The following RFC3 variants were observed in gnomAD, a reference collection of about 807,000 sequenced individuals.
RFC3 encodes the protein A1 38 kDa subunit.
A neutral mutation model predicts 45.1 loss-of-function variants in RFC3; 41 were observed. The ratio of observed to expected loss-of-function variants is 0.91; its 90% confidence interval spans 0.71 to 1.18. RFC3 has a LOEUF of 1.18. Ranked by LOEUF, RFC3 falls within the 50% of genes most tolerant of loss-of-function variation. RFC3 has a pLI of 0.00. For synonymous variants in RFC3, 149 were observed against 144.0 expected, an observed-to-expected ratio of 1.03 and a Z score of -0.25; for missense variants, 423 against 428.1, an observed-to-expected ratio of 0.99 and a Z score of 0.10.
chr13:33,853,655 C>G (rs1446833648), intron 8 of RFC3, among the ~76,000 whole-genome samples: 3 of 152,074 alleles, frequency 2.0e-5, no homozygotes, highest in Non-Finnish European at 4.4e-5. Flanking sequence ...TGGAGTTAGA[C>G]CAACATACAA....
chr13:33,956,644 T>A (rs1283688371), intron 8 of RFC3, among the ~76,000 whole-genome samples: 2 of 152,152 alleles, frequency 1.3e-5, no homozygotes, highest in Admixed American at 1.3e-4. Flanking sequence ...CAAGAACACA[T>A]AAAGAAGAGT....
intron 8 of RFC3, among the ~76,000 whole-genome samples, chr13:33,900,347 C>T (rs1422312157): frequency 6.6e-6 from 1 of 151,816 alleles, no homozygotes; most frequent in East Asian, 1.9e-4. Context: ...ACCAATGGAA[C>T]AGAGTAGAGA....
In RFC3 at chr13:33,846,008, A is replaced by T. The variant is rs551072088; in HGVS notation, c.879+10791A>T. Among the ~76,000 whole-genome samples the T allele has an allele frequency of 2.6e-5, 4 of 152,188 alleles. No homozygotes were observed. In the East Asian group the frequency reaches 7.7e-4, roughly 29 times the overall value. On this transcript the variant is annotated intron_variant, in intron 8 of 8. Transcript: ENST00000434425. ...TAGGGGGCACCCCAGTAATGCTGTG[A>T]CTCTTTCAGGCTCATAGAGATATTG... is the stretch of plus-strand genomic sequence containing the variant.
intron 8 of RFC3, among the ~76,000 whole-genome samples, chr13:33,886,067 C>G (rs909618607): frequency 4.6e-5 from 7 of 151,908 alleles, no homozygotes; most frequent in Admixed American, 1.3e-4. Flanking sequence ...TTCTCAACTG[C>G]CTGACTCTCT....
At chr13:33,818,860 A>G (rs1184260970) in intron 1 of RFC3, among the ~76,000 whole-genome samples, 4 of 139,794 alleles carry the variant, frequency 2.9e-5, no homozygotes, top group Admixed American at 1.4e-4. Context: ...AATAAATTGT[A>G]TTAGGACGTT....
intron 8 of RFC3, among the ~76,000 whole-genome samples, chr13:33,917,855 T>TA (rs200649997): frequency 2.9e-3 from 433 of 151,258 alleles, no homozygotes; most frequent in African/African-American, 9.2e-3. Flanking sequence ...GAATTTTGTT[T>TA]AAAAAAAAAC....
At chr13:33,907,099 C>T (rs1429095411) in intron 8 of RFC3, among the ~76,000 whole-genome samples, 2 of 152,068 alleles carry the variant, frequency 1.3e-5, no homozygotes, top group Non-Finnish European at 2.9e-5. Context: ...GCTGGGATTA[C>T]GTACATGAGC....
intron 8 of RFC3, among the ~76,000 whole-genome samples, chr13:33,939,553 C>A (rs1252729865): frequency 6.6e-6 from 1 of 152,120 alleles, no homozygotes; most frequent in Non-Finnish European, 1.5e-5. Context: ...TATAATAAAC[C>A]AGTAAATGTA....
intron 8 of RFC3, among the ~76,000 whole-genome samples, chr13:33,925,092 G>C (rs926427110): frequency 6.8e-6 from 1 of 147,900 alleles, no homozygotes; most frequent in Non-Finnish European, 1.5e-5. Context: ...CGCATATATA[G>C]TGTACTATAT....
At chr13:33,963,634 A>G (rs2083070841) in intron 8 of RFC3, among the ~76,000 whole-genome samples, 1 of 152,200 alleles carries the variant, frequency 6.6e-6, no homozygotes, top group Non-Finnish European at 1.5e-5. Flanking sequence ...TTACTTAGGG[A>G]CATTTTAATT....
intron 8 of RFC3, among the ~76,000 whole-genome samples, chr13:33,859,265 G>C (rs1035120750): frequency 6.6e-6 from 1 of 152,088 alleles, no homozygotes; most frequent in Non-Finnish European, 1.5e-5. Context: ...ACATCTAAAG[G>C]CCTAAAAGAG....
intron 8 of RFC3, among the ~76,000 whole-genome samples, chr13:33,855,892 C>T (rs1359885932): frequency 3.9e-5 from 6 of 152,106 alleles, no homozygotes; most frequent in Admixed American, 2.6e-4. Context: ...GCATAGTTTG[C>T]AAAAACGTTC....
At position 33,837,167 on chromosome 13, in the gene RFC3, A is replaced by G. The variant is rs1005983889; in HGVS notation, c.*872A>G. ...TTTTGACCAGTGAAACTATGATCCCAATCAAGGTATAGATGCCGTCACCCC... is the reference window on the plus strand; with the variant it reads ...TTTTGACCAGTGAAACTATGATCCCGATCAAGGTATAGATGCCGTCACCCC... On this transcript the variant is annotated 3_prime_UTR_variant, in exon 9 of 9. Coordinates refer to ENST00000380071, the MANE Select transcript of RFC3 (RefSeq NM_002915.4). 2 of 609,908 alleles carry G rather than the reference A, an allele frequency of 3.3e-6. No individual in the cohort carries two copies. The highest frequency in any genetic ancestry group is 4.0e-5 in the African/African-American group (2 of 49,864). The allele number at this position is 609,908 out of a possible 1,614,324, so 37.8% of individuals were successfully genotyped here.
At chr13:33,870,031 A>G (rs180721164) in intron 8 of RFC3, among the ~76,000 whole-genome samples, 12 of 152,344 alleles carry the variant, frequency 7.9e-5, no homozygotes, top group African/African-American at 2.9e-4. Flanking sequence ...TGGACAAAAT[A>G]CCATGAGTGA....
intron 7 of RFC3, among the ~76,000 whole-genome samples, chr13:33,834,439 T>G (rs1472288908): frequency 6.7e-6 from 1 of 149,864 alleles, no homozygotes; most frequent in Non-Finnish European, 1.5e-5. Flanking sequence ...ATTTCCCTCC[T>G]CTTCCCCTTT....
At chr13:33,962,864 C>T (rs1298985745) in intron 8 of RFC3, among the ~76,000 whole-genome samples, 1 of 152,046 alleles carries the variant, frequency 6.6e-6, no homozygotes, top group Non-Finnish European at 1.5e-5. Flanking sequence ...TTGAGATTCT[C>T]TGAAAATTCA....
At chr13:33,974,514 A>AT in the RFC3 span, among the ~76,000 whole-genome samples, 1 of 152,188 alleles carries the variant, frequency 6.6e-6, no homozygotes, top group Non-Finnish European at 1.5e-5. Flanking sequence ...TATTTTTGTC[A>AT]TGAATTAAGG....
chr13:33,903,837 G>A (rs918618712), intron 8 of RFC3, among the ~76,000 whole-genome samples: 2 of 151,946 alleles, frequency 1.3e-5, no homozygotes, highest in African/African-American at 2.4e-5. Flanking sequence ...GATGCTAATT[G>A]GTTATCTTCC....
intron 8 of RFC3, among the ~76,000 whole-genome samples, chr13:33,946,108 G>A (rs2082952757): frequency 1.3e-5 from 2 of 152,158 alleles, no homozygotes; most frequent in African/African-American, 4.8e-5. Context: ...TTCTAAAATG[G>A]CCAATAGGAG....
Sources: gnomAD v4.1 joint callset for allele counts (sites outside exome capture counted in the v4.1 genomes callset) on GRCh38, gnomAD v4.1.1 for gene constraint, MANE v1.5 for transcripts, NCBI Gene and HGNC (gene_info 2026-07-23, HGNC 2026-07-21) for gene names.